Variants in PPP4R1 observed in about 807,000 individuals in gnomAD.
PPP4R1 encodes protein phosphatase 4 regulatory subunit 1.
Under a neutral mutation model 111.2 loss-of-function variants are expected in PPP4R1, and 42 were observed. The observed-to-expected ratio is 0.38, with a 90% confidence interval of 0.29 to 0.49. The LOEUF (loss-of-function observed/expected upper bound fraction) is 0.49, where lower values mean the gene tolerates loss of function less well. PPP4R1 is among the 20% of genes least tolerant of loss of function. The pLI is 0.97. For synonymous variants in PPP4R1, 409 were observed against 405.5 expected (o/e 1.01, Z -0.10); for missense variants, 1,012 against 1,161.6 (o/e 0.87, Z 1.87).
chr18:9,607,360 C>A (rs1431702217), intron 2 of PPP4R1, among the ~76,000 whole-genome samples: 34 of 138,980 alleles, frequency 2.4e-4, no homozygotes, highest in Non-Finnish European at 2.5e-4. Flanking sequence ...GACCCTGTCT[C>A]AAAAAAAAAA....
chr18:9,595,032 C>T lies in PPP4R1; in HGVS notation c.174G>A (p.Glu58=), dbSNP rs1438890868. Residue 58 remains glutamate (E), a synonymous_variant, in exon 3 of 20, where the codon GAG becomes GAA. Transcript: ENST00000400556. ...LGRLDKYAAS[E]NIFNRQMVAR... Reference sequence around the variant, plus strand: ...TATGCACATACCTGTTAAATATGTTCTCACTTGCAGCATACTTGTCCAATC... The same window carrying T: ...TATGCACATACCTGTTAAATATGTTTTCACTTGCAGCATACTTGTCCAATC... 6.2e-7 allele frequency: 1 copy of T among 1,613,804 alleles called. No individual in the cohort carries two copies. Among genetic ancestry groups the T allele is most frequent in the African/African-American group, 1.3e-5 (1 of 74,902 alleles).
At chr18:9,564,737 T>TGTGTGTGTGTGTGTGG in intron 11 of PPP4R1, among the ~76,000 whole-genome samples, 1 of 67,982 alleles carries the variant, frequency 1.5e-5, no homozygotes, top group East Asian at 2.4e-4. Flanking sequence ...TGTGTGTGTG[T>TGTGTGTGTGTGTGTGG]GGGGGTATCA....
At position 9,607,939 on chromosome 18, in the gene PPP4R1, C is replaced by A. The variant is rs144315699; in HGVS notation, c.52+6287G>T. On this transcript the variant is annotated intron_variant, in intron 2 of 19. Transcript: ENST00000400556. ...CTAGGATTACAGGCATGCACCACCA[C>A]GCCCAGCTAATTCTTTGTATTTTTA... is the stretch of plus-strand genomic sequence containing the variant. 2.3e-3 allele frequency among the ~76,000 whole-genome samples: 354 copies of A among 152,014 alleles called. 2 individuals are homozygous for A. The highest frequency in any genetic ancestry group is 7.5e-3 in the African/African-American group (312 of 41,478).
intron 12 of PPP4R1, chr18:9,562,905 C>T: frequency 1.0e-6 from 1 of 987,012 alleles, no homozygotes; most frequent in East Asian, 1.1e-4. Context: ...GAAGATGATG[C>T]TAGGATCAGT....
chr18:9,588,569 G>A, intron 5 of PPP4R1, 142 bp downstream of exon 5: 1 of 949,014 alleles, frequency 1.1e-6, no homozygotes, highest in South Asian at 1.8e-5. Context: ...AGATTTGTCA[G>A]ACTCTAAACA....
In PPP4R1 at chr18:9,562,047, T is replaced by A. The variant is rs1326301589; in HGVS notation, c.1775A>T (p.His592Leu). Residue 592 changes from histidine (H) to leucine (L), a missense_variant, in exon 13 of 20, where the codon CAC becomes CTC. His to Leu is a moderately conservative substitution (Grantham distance 99, BLOSUM62 -3). Around this residue, in one of 2 missense-constraint regions of PPP4R1, gnomAD observed 707 missense variants for 742.1 expected, o/e 0.95. Transcript: ENST00000400556. ...ENMDSTLHYIHSDSDLSNNSS... is the reference protein window; with the variant it reads ...ENMDSTLHYILSDSDLSNNSS... ...ATTGTTGCTCAAGTCTGAATCGCTG[T>A]GAATATAGTGAAGAGTGGAGTCCAT... 3.1e-6 allele frequency: 5 copies of A among 1,612,362 alleles called. No homozygotes were observed. The African/African-American group carries it at 5.3e-5, about 17-fold the overall frequency.
At chr18:9,548,850 A>G (rs1278611479) in intron 19 of PPP4R1, among the ~76,000 whole-genome samples, 5 of 152,216 alleles carry the variant, frequency 3.3e-5, no homozygotes, top group Admixed American at 3.3e-4. Context: ...CCCGGAAGGC[A>G]GAGGTTACAG....
chr18:9,557,673 CAAG>C (rs999662798), intron 14 of PPP4R1, among the ~76,000 whole-genome samples: 4 of 152,204 alleles, frequency 2.6e-5, no homozygotes, highest in African/African-American at 9.7e-5. Context: ...TCTGACAGTG[CAAG>C]AAGAACATGC....
chr18:9,555,457 A>G (rs2066557263), intron 15 of PPP4R1, among the ~76,000 whole-genome samples: 1 of 152,236 alleles, frequency 6.6e-6, no homozygotes, highest in South Asian at 2.1e-4. Flanking sequence ...AGAAAAAGAT[A>G]TTCAGAGTTC....
chr18:9,560,390 C>T (rs1351600781), intron 13 of PPP4R1, among the ~76,000 whole-genome samples: 1 of 147,758 alleles, frequency 6.8e-6, no homozygotes, highest in Non-Finnish European at 1.5e-5. Context: ...AAAAGAAGAA[C>T]ATATTTGCAA....
chr18:9,608,391 T>C (rs1041327950), intron 2 of PPP4R1, among the ~76,000 whole-genome samples: 7 of 152,230 alleles, frequency 4.6e-5, no homozygotes, highest in Non-Finnish European at 8.8e-5. Flanking sequence ...CCAGAATGAC[T>C]GCATGATAGA....
chr18:9,584,524 T>C lies in PPP4R1; in HGVS notation c.750A>G (p.Glu250=), dbSNP rs1371935375. 7 of 1,613,012 alleles carry C rather than the reference T, an allele frequency of 4.3e-6. No individual in the cohort carries two copies. The highest frequency in any genetic ancestry group is 1.3e-5 in the African/African-American group (1 of 74,892). ...TATCTGCAATACTTACCAACATTTCTTCAGTAGCTTGCTGGCCAACTACAC... is the reference window on the plus strand; with the variant it reads ...TATCTGCAATACTTACCAACATTTCCTCAGTAGCTTGCTGGCCAACTACAC... ...ICSVVGQQAT[E]EMLLPRFFQL... The change falls in exon 8 of 20, where the codon GAA becomes GAG. Residue 250 remains glutamate, a synonymous_variant. Coordinates refer to ENST00000400556, the MANE Select transcript of PPP4R1 (RefSeq NM_001042388.3).
intron 2 of PPP4R1, among the ~76,000 whole-genome samples, chr18:9,604,013 A>G (rs1291300005): frequency 6.6e-6 from 1 of 152,202 alleles, no homozygotes; most frequent in Non-Finnish European, 1.5e-5. Flanking sequence ...TTAAAAAATG[A>G]ATAGTGGGTA....
intron 2 of PPP4R1, among the ~76,000 whole-genome samples, chr18:9,596,207 T>C (rs2067287368): frequency 6.6e-6 from 1 of 152,100 alleles, no homozygotes; most frequent in African/African-American, 2.4e-5. Context: ...AAGTAAACAG[T>C]CAACAAATAA....
chr18:9,589,077 T>C (rs1199735079), intron 4 of PPP4R1, among the ~76,000 whole-genome samples: 1 of 152,222 alleles, frequency 6.6e-6, no homozygotes. Flanking sequence ...TTGTTCACAG[T>C]ATGCACTGAG....
intron 11 of PPP4R1, among the ~76,000 whole-genome samples, chr18:9,568,513 A>G (rs1292808429): frequency 6.6e-6 from 1 of 152,240 alleles, no homozygotes; most frequent in Non-Finnish European, 1.5e-5. Flanking sequence ...AGTCACATCA[A>G]GAAACTTGTA....
chr18:9,608,170 G>A (rs1342396601), intron 2 of PPP4R1, among the ~76,000 whole-genome samples: 1 of 152,180 alleles, frequency 6.6e-6, no homozygotes, highest in Non-Finnish European at 1.5e-5. Context: ...AGACTTGTGT[G>A]TGAATGTTCA....
intron 2 of PPP4R1, among the ~76,000 whole-genome samples, chr18:9,595,480 C>A (rs1184580489): frequency 6.6e-6 from 1 of 152,042 alleles, no homozygotes; most frequent in Non-Finnish European, 1.5e-5. Flanking sequence ...AATAGGCACA[C>A]AAAAAGTCAA....
At chr18:9,589,286 T>C (rs2067171867) in intron 4 of PPP4R1, among the ~76,000 whole-genome samples, 1 of 152,066 alleles carries the variant, frequency 6.6e-6, no homozygotes, top group Non-Finnish European at 1.5e-5. Context: ...AGTCAATAAA[T>C]GAAAGATATA....
Sources: allele counts gnomAD v4.1 joint callset (sites outside exome capture counted in the v4.1 genomes callset), GRCh38; gene constraint gnomAD v4.1.1; regional missense constraint gnomAD v4.1.1; transcripts MANE v1.5; gene names NCBI Gene and HGNC (gene_info 2026-07-23, HGNC 2026-07-21).